Variants in PRR29 observed in about 807,000 individuals in gnomAD.
PRR29 encodes proline-rich protein 29.
Under a neutral mutation model 25.1 loss-of-function variants are expected in PRR29, and 20 were observed. That is an observed-to-expected ratio of 0.80 (90% CI 0.56 to 1.16). PRR29 has a LOEUF of 1.16. Ranked by LOEUF, PRR29 falls within the 50% of genes most tolerant of loss-of-function variation. PRR29 has a pLI of 0.00. For missense variants in PRR29, 238 were observed against 246.6 expected, an observed-to-expected ratio of 0.97 and a Z score of 0.23; for synonymous variants, 108 against 102.6, an observed-to-expected ratio of 1.05 and a Z score of -0.32.
At position 64,001,566 on chromosome 17, in the gene PRR29, C is replaced by T. The variant is rs1272007273; in HGVS notation, c.541+29C>T. ...GGGCTGGGGTGGTGGGCAGCGGGGC[C>T]CAGGCCTGGGAGTGAATCAGGAGGC... On this transcript the variant is annotated intron_variant, in intron 5 of 5. Coordinates refer to ENST00000412177, the MANE Select transcript of PRR29 (RefSeq NM_001164257.2). The T allele has an allele frequency of 4.2e-5, 63 of 1,502,352 alleles. 1 individual carries two copies. Among genetic ancestry groups the T allele is most frequent in the Admixed American group, 3.1e-4 (14 of 45,052 alleles). 93.1% of individuals were successfully genotyped at this position (1,502,352 alleles called of 1,614,324 possible).
At position 64,003,511 on chromosome 17, in the gene PRR29, G is replaced by T; in HGVS notation, c.*1750G>T. 2 of 806,302 alleles carry T rather than the reference G, an allele frequency of 2.5e-6. No individual in the cohort carries two copies. Among genetic ancestry groups the T allele is most frequent in the Non-Finnish European group, 4.0e-6 (2 of 496,026 alleles). 49.9% of individuals were successfully genotyped at this position (806,302 alleles called of 1,614,324 possible). A position where few individuals can be genotyped will look rare whatever the true frequency, so the allele number is the denominator to read the frequency against. ...GAAAGAACTTCAGGGAAGAGGGAGA[G>T]TAAGAGGGAAGCCTCAGGATGAAGG... On this transcript the variant is annotated 3_prime_UTR_variant, in exon 6 of 6. Coordinates refer to ENST00000412177, the MANE Select transcript of PRR29 (RefSeq NM_001164257.2).
In PRR29 at chr17:64,002,181, G is replaced by C; in HGVS notation, c.*420G>C. ...GATTCCTTCTGCTTTCCACAGCTTT[G>C]AAGGCCCCTTTGAGGTGGCTGGAGG... On this transcript the variant is annotated 3_prime_UTR_variant, in exon 6 of 6. Transcript: ENST00000412177. 1.4e-6 allele frequency: 1 copy of C among 699,010 alleles called. No individual in the cohort carries two copies. The highest frequency in any genetic ancestry group is 2.3e-6 in the Non-Finnish European group (1 of 428,592). The allele number at this position is 699,010 out of a possible 1,614,324, so 43.3% of individuals were successfully genotyped here.
chr17:63,998,864 C>T lies in PRR29; in HGVS notation c.136+82C>T, dbSNP rs191923867. The T allele has an allele frequency of 4.4e-5, 57 of 1,285,298 alleles. 1 individual carries two copies. In the East Asian group the frequency reaches 1.3e-3, roughly 30 times the overall value. 79.6% of individuals were successfully genotyped at this position (1,285,298 alleles called of 1,614,324 possible). ...CTGCCTCGCACATCCTCTGGGAGTCCCCGCAGCACAACCCGCCAACCCATT... is the reference window on the plus strand; with the variant it reads ...CTGCCTCGCACATCCTCTGGGAGTCTCCGCAGCACAACCCGCCAACCCATT... On this transcript the variant is annotated intron_variant, in intron 2 of 5. Coordinates refer to ENST00000412177, the MANE Select transcript of PRR29 (RefSeq NM_001164257.2).
In PRR29 at chr17:64,001,540, A is replaced by T. The variant is rs1443591541; in HGVS notation, c.541+3A>T. ...TGCTGATGTACCCCCGGCTTCAGGT[A>T]GGGCTGGGGTGGTGGGCAGCGGGGC... On this transcript the variant is annotated splice_donor_region_variant and intron_variant, in intron 5 of 5. Coordinates refer to ENST00000412177, the MANE Select transcript of PRR29 (RefSeq NM_001164257.2). 1 of 1,516,988 alleles carries T rather than the reference A, an allele frequency of 6.6e-7. No individual in the cohort carries two copies. Among genetic ancestry groups the T allele is most frequent in the East Asian group, 2.4e-5 (1 of 40,854 alleles). 94.0% of individuals were successfully genotyped at this position (1,516,988 alleles called of 1,614,324 possible). A position where few individuals can be genotyped will look rare whatever the true frequency, so the allele number is the denominator to read the frequency against.
Position 64,002,004 on chromosome 17 carries a change from T to G in PRR29, c.*243T>G. 1 of 1,529,590 alleles carries G rather than the reference T, an allele frequency of 6.5e-7. No individual in the cohort carries two copies. Among genetic ancestry groups the G allele is most frequent in the South Asian group, 1.2e-5 (1 of 83,844 alleles). 94.8% of individuals were successfully genotyped at this position (1,529,590 alleles called of 1,614,324 possible). On this transcript the variant is annotated 3_prime_UTR_variant, in exon 6 of 6. Coordinates refer to ENST00000412177, the MANE Select transcript of PRR29 (RefSeq NM_001164257.2). ...CTCCCTAGAGCACCACCCAGGCCCT[T>G]GAAGCCACGTCAGCCCGCCTCTGCC...
rs2143170242 is a variant in PRR29 at position 64,003,404 on chromosome 17, G to C, written c.*1643G>C. 3.6e-6 allele frequency: 2 copies of C among 557,766 alleles called. No individual in the cohort carries two copies. The highest frequency in any genetic ancestry group is 3.2e-6 in the Non-Finnish European group (1 of 312,472). 34.6% of individuals were successfully genotyped at this position (557,766 alleles called of 1,614,324 possible). The stretch of plus-strand genomic sequence containing the variant: ...AGCCAAGGCCAGGGAGAGCCGTCAA[G>C]GTCATGGGGCTTGATGGTGGCCGAG... On this transcript the variant is annotated 3_prime_UTR_variant, in exon 6 of 6. Coordinates refer to ENST00000412177, the MANE Select transcript of PRR29 (RefSeq NM_001164257.2).
chr17:64,003,627 C>A lies in PRR29; in HGVS notation c.*1866C>A. Reference sequence around the variant, plus strand: ...GTGACTTATCACTCCCAACTCCATCCACGGATCCCCCCTCACCATAGATCT... The same window carrying A: ...GTGACTTATCACTCCCAACTCCATCAACGGATCCCCCCTCACCATAGATCT... On this transcript the variant is annotated 3_prime_UTR_variant, in exon 6 of 6. Coordinates refer to ENST00000412177, the MANE Select transcript of PRR29 (RefSeq NM_001164257.2). The A allele has an allele frequency of 6.2e-7, 1 of 1,602,090 alleles. No homozygotes were observed.
intron 3 of PRR29, among the ~76,000 whole-genome samples, chr17:64,000,238 G>A (rs539757614): frequency 5.3e-5 from 8 of 152,342 alleles, no homozygotes; most frequent in African/African-American, 1.2e-4. Context: ...GTTGCTCAAC[G>A]TCCTTGAGCT....
rs762217846 is a variant in PRR29 at position 64,001,806 on chromosome 17, A to G, written c.*45A>G. 1.3e-6 allele frequency: 2 copies of G among 1,536,842 alleles called. No homozygotes were observed. Among genetic ancestry groups the G allele is most frequent in the Non-Finnish European group, 1.7e-6 (2 of 1,146,840 alleles). On this transcript the variant is annotated 3_prime_UTR_variant, in exon 6 of 6. Transcript: ENST00000412177. ...GAACTGCACCAGCTTCCTGCTCTGG[A>G]TACAGCCCCGGAGCCGCCTCCTGCA... is the stretch of plus-strand genomic sequence containing the variant.
rs1436349218 is a variant in PRR29 at position 64,002,825 on chromosome 17, C to G, written c.*1064C>G. 13 of 1,613,816 alleles carry G rather than the reference C, an allele frequency of 8.1e-6. No individual in the cohort carries two copies. Among genetic ancestry groups the G allele is most frequent in the Non-Finnish European group, 1.0e-5 (12 of 1,180,008 alleles). On this transcript the variant is annotated 3_prime_UTR_variant, in exon 6 of 6. Transcript: ENST00000412177. The stretch of plus-strand genomic sequence containing the variant: ...TGCCCATCCGCTGCTGGCGCAAGTG[C>G]TGGCCGAAGATGAAGCAGAGCAGGA...
chr17:64,003,615 C>A lies in PRR29; in HGVS notation c.*1854C>A, dbSNP rs1910966716. 1.3e-6 allele frequency: 2 copies of A among 1,593,998 alleles called. No homozygotes were observed. The highest frequency in any genetic ancestry group is 1.1e-5 in the South Asian group (1 of 87,306). On this transcript the variant is annotated 3_prime_UTR_variant, in exon 6 of 6. Coordinates refer to ENST00000412177, the MANE Select transcript of PRR29 (RefSeq NM_001164257.2). Reference sequence around the variant, plus strand: ...GAGGGGCTGAAAGTGACTTATCACTCCCAACTCCATCCACGGATCCCCCCT... The same window carrying A: ...GAGGGGCTGAAAGTGACTTATCACTACCAACTCCATCCACGGATCCCCCCT...
chr17:64,003,381 C>A lies in PRR29; in HGVS notation c.*1620C>A. The A allele has an allele frequency of 1.9e-6, 1 of 516,400 alleles. No individual in the cohort carries two copies. Among genetic ancestry groups the A allele is most frequent in the Admixed American group, 3.4e-5 (1 of 29,234 alleles). 32.0% of individuals were successfully genotyped at this position (516,400 alleles called of 1,614,324 possible). On this transcript the variant is annotated 3_prime_UTR_variant, in exon 6 of 6. Transcript: ENST00000412177. ...CCAAACTTCTCATTGTGGAGGGGAG[C>A]CAAGGCCAGGGAGAGCCGTCAAGGT...
Position 64,003,272 on chromosome 17 carries a change from A to C in PRR29, c.*1511A>C. 2.4e-6 allele frequency: 1 copy of C among 420,908 alleles called. No homozygotes were observed. The highest frequency in any genetic ancestry group is 4.7e-5 in the East Asian group (1 of 21,482). The allele number at this position is 420,908 out of a possible 1,614,324, so 26.1% of individuals were successfully genotyped here. A position where few individuals can be genotyped will look rare whatever the true frequency, so the allele number is the denominator to read the frequency against. On this transcript the variant is annotated 3_prime_UTR_variant, in exon 6 of 6. Transcript: ENST00000412177. ...GCCCCTTCTTGGGCAGAGCTGAGTG[A>C]ACTTCATGCCAGGCTCCCTGTGTGC...
Position 64,002,565 on chromosome 17 carries a change from T to G in PRR29, c.*804T>G. The G allele has an allele frequency of 1.6e-6, 1 of 609,338 alleles. No individual in the cohort carries two copies. 37.7% of individuals were successfully genotyped at this position (609,338 alleles called of 1,614,324 possible). A position where few individuals can be genotyped will look rare whatever the true frequency, so the allele number is the denominator to read the frequency against. On this transcript the variant is annotated 3_prime_UTR_variant, in exon 6 of 6. Coordinates refer to ENST00000412177, the MANE Select transcript of PRR29 (RefSeq NM_001164257.2). ...TGGCTCCCCTCCCTGGCCATTGTTA[T>G]CCCAGGAGGAGACACTGTGGGCACA...
chr17:64,000,708 A>C lies in PRR29; in HGVS notation c.244-376A>C, dbSNP rs574869547. 10 of 200,970 alleles carry C rather than the reference A, an allele frequency of 5.0e-5. No homozygotes were observed. The South Asian group carries it at 9.8e-4, about 20-fold the overall frequency. 12.4% of individuals were successfully genotyped at this position (200,970 alleles called of 1,614,324 possible). A position where few individuals can be genotyped will look rare whatever the true frequency, so the allele number is the denominator to read the frequency against. On this transcript the variant is annotated intron_variant, in intron 3 of 5. Transcript: ENST00000412177. The stretch of plus-strand genomic sequence containing the variant: ...CGCTCTGCCGCCCAGGCTGGAGTGC[A>C]GTAGCTCGATCTCTGCTCACTGCAA...
At chr17:63,998,804 ACCCCAC>A in intron 2 of PRR29, 22 bp downstream of exon 2, 9 of 452,684 alleles carry the variant, frequency 2.0e-5, no homozygotes, top group Non-Finnish European at 2.3e-5. Flanking sequence ...GGGTCCCCCC[ACCCCAC>A]CCCCACCATC....
Position 64,002,219 on chromosome 17 carries a change from T to C in PRR29, c.*458T>C, listed in dbSNP as rs375242749. On this transcript the variant is annotated 3_prime_UTR_variant, in exon 6 of 6. Coordinates refer to ENST00000412177, the MANE Select transcript of PRR29 (RefSeq NM_001164257.2). ...AGGTGGCTGGAGGGGCCCAGAGTGG[T>C]CGGGGAGAGACTTTGCTGGGCAGCG... 3.2e-5 allele frequency: 19 copies of C among 592,072 alleles called. No homozygotes were observed. In the African/African-American group the frequency reaches 3.4e-4, roughly 11 times the overall value. The allele number at this position is 592,072 out of a possible 1,614,324, so 36.7% of individuals were successfully genotyped here.
In PRR29 at chr17:63,998,956, C is replaced by A. The variant is rs1293064410; in HGVS notation, c.137-12C>A. ...GAGGCCCGGCGTGGGCTTGCTGAACCCCGCTTCCTAGACCTGCTGGAACTG... is the reference window on the plus strand; with the variant it reads ...GAGGCCCGGCGTGGGCTTGCTGAACACCGCTTCCTAGACCTGCTGGAACTG... On this transcript the variant is annotated splice_polypyrimidine_tract_variant and intron_variant, in intron 2 of 5. Transcript: ENST00000412177. 1 of 1,535,966 alleles carries A rather than the reference C, an allele frequency of 6.5e-7. No individual in the cohort carries two copies. Among genetic ancestry groups the A allele is most frequent in the Admixed American group, 2.0e-5 (1 of 50,976 alleles).
Position 64,002,830 on chromosome 17 carries a change from CG to C in PRR29, c.*1070del, listed in dbSNP as rs1327426180. On this transcript the variant is annotated 3_prime_UTR_variant, in exon 6 of 6. Coordinates refer to ENST00000412177, the MANE Select transcript of PRR29 (RefSeq NM_001164257.2). ...ATCCGCTGCTGGCGCAAGTGCTGGC[CG>C]AAGATGAAGCAGAGCAGGACAGATG... The C allele has an allele frequency of 1.5e-5, 25 of 1,613,768 alleles. No individual in the cohort carries two copies. The highest frequency in any genetic ancestry group is 1.9e-5 in the Non-Finnish European group (22 of 1,179,990).
Sources: gnomAD v4.1 joint callset for allele counts (sites outside exome capture counted in the v4.1 genomes callset) on GRCh38, gnomAD v4.1.1 for gene constraint, MANE v1.5 for transcripts, NCBI Gene and HGNC (gene_info 2026-07-23, HGNC 2026-07-21) for gene names.